MALRD1: variants seen among roughly 807,000 people sequenced by gnomAD.
The protein encoded by MALRD1 is MAM and LDL receptor class A domain containing 1, also known as MAM and LDL-receptor class A domain-containing protein 1.
MALRD1 carries 247 observed loss-of-function variants against 242.1 expected under a neutral mutation model. That is an observed-to-expected ratio of 1.02 (90% confidence interval 0.92 to 1.13). MALRD1 has a LOEUF of 1.13. Ranked by LOEUF, MALRD1 falls within the 50% of genes most tolerant of loss-of-function variation. The pLI is 0.00. For missense variants in MALRD1, 2,989 were observed against 2,533.1 expected (o/e 1.18, Z -3.86); for synonymous variants, 995 against 866.6 (o/e 1.15, Z -2.60).
rs570653688 is a variant in MALRD1, at chr10:19,443,661, T to A, written c.4846-6646T>A. ...TGAGTTTCTTAATCCTGAGTTCTAG[T>A]TTGATTGCACTGTGGTCTGTGAGAC... On this transcript the variant is annotated intron_variant, in intron 28 of 39. Coordinates refer to ENST00000454679, the MANE Select transcript of MALRD1 (RefSeq NM_001142308.3). Among the ~76,000 whole-genome samples the A allele has an allele frequency of 6.6e-5, 10 of 152,340 alleles. No individual in the cohort carries two copies. In the East Asian group the frequency reaches 1.9e-3, roughly 29 times the overall value.
At chr10:19,193,214 A>T (rs1382414538) in intron 14 of MALRD1, among the ~76,000 whole-genome samples, 1 of 152,222 alleles carries the variant, frequency 6.6e-6, no homozygotes, top group African/African-American at 2.4e-5. Context: ...AATGGGAAGT[A>T]GTGATAAAAT....
intron 36 of MALRD1, among the ~76,000 whole-genome samples, chr10:19,630,889 A>C (rs2131646256): frequency 6.6e-6 from 1 of 152,280 alleles, no homozygotes; most frequent in Admixed American, 6.5e-5. Flanking sequence ...ATAATATATA[A>C]AACTAAATTA....
chr10:19,544,164 G>C (rs574733778), intron 32 of MALRD1, among the ~76,000 whole-genome samples: 2 of 151,498 alleles, frequency 1.3e-5, no homozygotes, highest in Admixed American at 1.3e-4. Flanking sequence ...CCCTCTACTT[G>C]AGTCTTTTTT....
chr10:19,462,947 A>T (rs968040835), intron 29 of MALRD1, among the ~76,000 whole-genome samples: 6 of 152,150 alleles, frequency 3.9e-5, no homozygotes, highest in Admixed American at 3.3e-4. Context: ...GGTGTCTTTT[A>T]AAATTGTTTT....
At chr10:19,540,402 CT>C (rs1228205257) in intron 32 of MALRD1, among the ~76,000 whole-genome samples, 1 of 152,038 alleles carries the variant, frequency 6.6e-6, no homozygotes, top group Non-Finnish European at 1.5e-5. Flanking sequence ...GGTAGTAAGG[CT>C]TTTGATACAT....
At chr10:19,537,028 AGTT>A (rs1474891309) in intron 32 of MALRD1, among the ~76,000 whole-genome samples, 1 of 152,170 alleles carries the variant, frequency 6.6e-6, no homozygotes, top group Non-Finnish European at 1.5e-5. Context: ...AGAGGTTGCA[AGTT>A]AATGAAAAAC....
chr10:19,103,381 G>T (rs770090679), intron 4 of MALRD1, among the ~76,000 whole-genome samples: 1 of 151,634 alleles, frequency 6.6e-6, no homozygotes, highest in Non-Finnish European at 1.5e-5. Flanking sequence ...CTAACACGGT[G>T]AAACCCTGTC....
At position 19,209,272 on chromosome 10, in the gene MALRD1, T is replaced by A; in HGVS notation, c.2583T>A (p.Pro861=). The A allele has an allele frequency of 6.6e-7, 1 of 1,517,578 alleles. No homozygotes were observed. The highest frequency in any genetic ancestry group is 8.8e-7 in the Non-Finnish European group (1 of 1,134,308). 94.0% of individuals were successfully genotyped at this position (1,517,578 alleles called of 1,614,324 possible). Residue 861 remains proline (P), a synonymous_variant, in exon 18 of 40, where the codon CCT becomes CCA. Coordinates refer to ENST00000454679, the MANE Select transcript of MALRD1 (RefSeq NM_001142308.3). ...GDRTDEVNCA[P]ELQCNFETGI... ...TTTATTTCATGTGAATTTCAGCACC[T>A]GAGCTGCAGTGTAACTTTGAAACTG...
Position 19,486,420 on chromosome 10 carries a change from C to A in MALRD1, c.5030-5097C>A, listed in dbSNP as rs957565400. ...TTAGGACTTTTCTTAGATATGTTTC[C>A]TGACTCACTGTATTCCATGGGAAAG... On this transcript the variant is annotated intron_variant, in intron 29 of 39. Coordinates refer to ENST00000454679, the MANE Select transcript of MALRD1 (RefSeq NM_001142308.3). 3.9e-5 allele frequency among the ~76,000 whole-genome samples: 6 copies of A among 152,114 alleles called. 1 individual carries two copies. The South Asian group carries it at 1.2e-3, about 32-fold the overall frequency.
chr10:19,209,069 T>C (rs1263368280), intron 17 of MALRD1, among the ~76,000 whole-genome samples, 199 bp from the exon 18 acceptor site: 2 of 152,192 alleles, frequency 1.3e-5, no homozygotes, highest in African/African-American at 4.8e-5. Flanking sequence ...TCATAAAATA[T>C]TATTAATTGA....
At chr10:19,365,096 A>G (rs1845051003) in intron 26 of MALRD1, among the ~76,000 whole-genome samples, 1 of 152,162 alleles carries the variant, frequency 6.6e-6, no homozygotes, top group South Asian at 2.1e-4. Flanking sequence ...TTTGTGTCAA[A>G]CCATAAAAAT....
chr10:19,379,220 T>G (rs915523212), intron 26 of MALRD1, among the ~76,000 whole-genome samples: 7 of 152,132 alleles, frequency 4.6e-5, no homozygotes, highest in Non-Finnish European at 8.8e-5. Context: ...GATGATGTTT[T>G]ATCAGTTTTA....
intron 10 of MALRD1, among the ~76,000 whole-genome samples, chr10:19,138,033 A>C (rs1481423641): frequency 6.6e-6 from 1 of 152,224 alleles, no homozygotes; most frequent in African/African-American, 2.4e-5. Context: ...AGCTCTGTAT[A>C]ATTGGTTTCT....
intron 6 of MALRD1, among the ~76,000 whole-genome samples, chr10:19,124,223 A>T (rs1837172199): frequency 6.6e-6 from 1 of 152,154 alleles, no homozygotes; most frequent in African/African-American, 2.4e-5. Context: ...CTCTTAAAAA[A>T]ATTAAAACAT....
intron 24 of MALRD1, among the ~76,000 whole-genome samples, chr10:19,344,946 C>G (rs1425101516): frequency 6.6e-6 from 1 of 152,078 alleles, no homozygotes; most frequent in African/African-American, 2.4e-5. Context: ...TGATCATTGT[C>G]TTCCTGATGG....
In MALRD1 at chr10:19,128,258, T is replaced by G. The variant is rs1432874010; in HGVS notation, c.981T>G (p.Thr327=). Residue 327 remains threonine, a synonymous_variant, in exon 8 of 40, where the codon ACT becomes ACG. Coordinates refer to ENST00000454679, the MANE Select transcript of MALRD1 (RefSeq NM_001142308.3). ...GGGTAGGCGCTAAGCATGGTTTCAC[T>G]CTTAACCATTTAGACAGCAGGGCTT... ...YVWVGAKHGF[T]LNHLDSRAYL... is the part of the protein sequence containing the mutation. The G allele has an allele frequency of 6.5e-6, 8 of 1,233,554 alleles. No homozygotes were observed. The highest frequency in any genetic ancestry group is 8.1e-6 in the Non-Finnish European group (8 of 987,872). 76.4% of individuals were successfully genotyped at this position (1,233,554 alleles called of 1,614,324 possible).
intron 18 of MALRD1, among the ~76,000 whole-genome samples, chr10:19,245,518 G>C (rs977039443): frequency 6.6e-5 from 10 of 152,116 alleles, no homozygotes; most frequent in African/African-American, 2.2e-4. Context: ...CAGTTACCAG[G>C]TCAAGTAATT....
At chr10:19,688,427 T>TA (rs1396137495) in intron 36 of MALRD1, among the ~76,000 whole-genome samples, 3 of 152,114 alleles carry the variant, frequency 2.0e-5, no homozygotes, top group African/African-American at 7.2e-5. Context: ...CTTGCATGGC[T>TA]AATTTTTAGA....
rs545487499 is a variant in MALRD1 at position 19,285,593 on chromosome 10, T to C, written c.3419+2412T>C. ...TGCGGCGTTATTTCTGAGGGCTCTG[T>C]TCTGTTCCATTGGTCTATATCTCTG... On this transcript the variant is annotated intron_variant, in intron 21 of 39. Coordinates refer to ENST00000454679, the MANE Select transcript of MALRD1 (RefSeq NM_001142308.3). Among the ~76,000 whole-genome samples, 3 of 151,410 alleles carry C rather than the reference T, an allele frequency of 2.0e-5. No individual in the cohort carries two copies. In the South Asian group the frequency reaches 6.3e-4, roughly 32 times the overall value.
Sources: allele counts gnomAD v4.1 joint callset (sites outside exome capture counted in the v4.1 genomes callset), GRCh38; gene constraint gnomAD v4.1.1; transcripts MANE v1.5; gene names NCBI Gene and HGNC (gene_info 2026-07-23, HGNC 2026-07-21).